ESYT2: variants seen among roughly 807,000 people sequenced by gnomAD.
The protein encoded by ESYT2 is extended synaptotagmin 2, also known as extended synaptotagmin-2.
Under a neutral mutation model 107.2 loss-of-function variants are expected in ESYT2, and 54 were observed. That is an observed-to-expected ratio of 0.50 (90% CI 0.40 to 0.63). The LOEUF is 0.63. Among genes scored for constraint, ESYT2 ranks in the 30% least tolerant of loss-of-function variants. ESYT2 has a pLI of 0.00. For synonymous variants in ESYT2, 491 were observed against 434.1 expected, an observed-to-expected ratio of 1.13 and a Z score of -1.63; for missense variants, 1,020 against 1,094.5, an observed-to-expected ratio of 0.93 and a Z score of 0.96.
intron 1 of ESYT2, among the ~76,000 whole-genome samples, chr7:158,824,964 A>G (rs1477190096): frequency 6.6e-6 from 1 of 152,134 alleles, no homozygotes; most frequent in South Asian, 2.1e-4. Flanking sequence ...CAAGAGTTCA[A>G]GCCTGGGGAA....
intron 1 of ESYT2, among the ~76,000 whole-genome samples, chr7:158,824,696 C>T (rs1037623104): frequency 3.3e-5 from 5 of 152,098 alleles, no homozygotes; most frequent in East Asian, 1.9e-4. Context: ...TAGTATTATC[C>T]GTGACAGTAT....
chr7:158,755,915 T>C (rs546740632), intron 13 of ESYT2, among the ~76,000 whole-genome samples: 2 of 152,072 alleles, frequency 1.3e-5, no homozygotes, highest in Non-Finnish European at 2.9e-5. Flanking sequence ...ACACCTAAGG[T>C]AAATGACGAG....
At chr7:158,789,993 C>T (rs1428669376) in intron 4 of ESYT2, among the ~76,000 whole-genome samples, 1 of 152,110 alleles carries the variant, frequency 6.6e-6, no homozygotes, top group African/African-American at 2.4e-5. Context: ...CACAAGGCTC[C>T]GACCCTCACG....
At chr7:158,820,142 T>C (rs1158745290) in intron 1 of ESYT2, among the ~76,000 whole-genome samples, 1 of 152,260 alleles carries the variant, frequency 6.6e-6, no homozygotes, top group African/African-American at 2.4e-5. Context: ...TTTGGTATTA[T>C]GGATGATCTT....
Position 158,826,042 on chromosome 7 carries a change from A to G in ESYT2, c.330+3047T>C, listed in dbSNP as rs76569822. Among the ~76,000 whole-genome samples, 715 of 151,710 alleles carry G rather than the reference A, an allele frequency of 4.7e-3. 46 individuals are homozygous for G. In the East Asian group the frequency reaches 0.12, roughly 25 times the overall value. On this transcript the variant is annotated intron_variant, in intron 1 of 22. Coordinates refer to ENST00000275418, the MANE Select transcript of ESYT2 (RefSeq NM_001367773.1). The stretch of plus-strand genomic sequence containing the variant: ...TCTAGAAAAAAAAAAAAACAAAAAC[A>G]AACCCAAAGTGCAAGTAATACTGAA...
chr7:158,816,462 G>A (rs998582645), intron 1 of ESYT2, among the ~76,000 whole-genome samples: 1 of 152,180 alleles, frequency 6.6e-6, no homozygotes, highest in Non-Finnish European at 1.5e-5. Context: ...AAGGGAGAAG[G>A]GCCTGCAGCC....
At chr7:158,782,578 CAA>C (rs1432564899) in intron 6 of ESYT2, among the ~76,000 whole-genome samples, 1 of 107,698 alleles carries the variant, frequency 9.3e-6, no homozygotes, top group Non-Finnish European at 2.3e-5. Context: ...AGTGTGAGAA[CAA>C]AGAATGAGTG....
intron 6 of ESYT2, 152 bp from the exon 7 acceptor site, chr7:158,773,548 T>A: frequency 1.5e-6 from 1 of 652,606 alleles, no homozygotes; most frequent in Non-Finnish European, 2.5e-6. Context: ...AGGACATTTT[T>A]CTTTGGTGGT....
chr7:158,788,145 C>T (rs781061201), intron 5 of ESYT2, 52 bp from the exon 6 acceptor site: 18 of 1,475,186 alleles, frequency 1.2e-5, no homozygotes, highest in Non-Finnish European at 1.5e-5. Context: ...TCTGCAGGGC[C>T]GCTTAACGCA....
intron 6 of ESYT2, among the ~76,000 whole-genome samples, chr7:158,776,995 G>C (rs368293277): frequency 9.9e-5 from 15 of 151,990 alleles, no homozygotes; most frequent in African/African-American, 2.2e-4. Flanking sequence ...TGGGACTACA[G>C]GCATACACTA....
intron 1 of ESYT2, among the ~76,000 whole-genome samples, chr7:158,816,941 C>T (rs551505322): frequency 7.1e-4 from 108 of 152,286 alleles, no homozygotes; most frequent in African/African-American, 2.4e-3. Context: ...ATTTTAGGTA[C>T]GCACTTACTA....
intron 1 of ESYT2, among the ~76,000 whole-genome samples, chr7:158,809,526 T>C (rs73167252): frequency 0.011 from 1,606 of 147,902 alleles, 13 homozygotes; most frequent in Non-Finnish European, 0.016. Flanking sequence ...GCAAAAGTAT[T>C]TGTATAAACG....
intron 1 of ESYT2, among the ~76,000 whole-genome samples, chr7:158,818,242 G>C (rs1363819805): frequency 6.6e-6 from 1 of 152,194 alleles, no homozygotes; most frequent in Non-Finnish European, 1.5e-5. Context: ...ACTCCTGGAA[G>C]TGGAGTCAAG....
chr7:158,734,503 G>A (rs747834927), intron 21 of ESYT2, 32 bp from the exon 22 acceptor site: 53 of 1,601,480 alleles, frequency 3.3e-5, no homozygotes, highest in Admixed American at 8.5e-5. Context: ...GTTAAAGTAG[G>A]CTGGGCTGGG....
At chr7:158,755,136 A>AT (rs1433280836) in intron 13 of ESYT2, among the ~76,000 whole-genome samples, 2 of 152,178 alleles carry the variant, frequency 1.3e-5, no homozygotes, top group Admixed American at 1.3e-4. Flanking sequence ...GCAGATGGGG[A>AT]TCGCTGGTGG....
chr7:158,829,030 G>A, intron 1 of ESYT2, 59 bp downstream of exon 1: 2 of 1,550,894 alleles, frequency 1.3e-6, no homozygotes, highest in Admixed American at 1.8e-5. Flanking sequence ...TGCCTGCCTG[G>A]ACGAGGGGAG....
Position 158,763,543 on chromosome 7 carries a change from C to T in ESYT2, c.1102-378G>A, listed in dbSNP as rs563998265. 1.7e-3 allele frequency among the ~76,000 whole-genome samples: 258 copies of T among 152,316 alleles called. 3 individuals are homozygous for T. Among genetic ancestry groups the T allele is most frequent in the African/African-American group, 5.8e-3 (240 of 41,556 alleles). ...CTCCTGACCTTAAATGATCCACCCA[C>T]CTCGGCCTCCCAAAGCGTTGGGATT... On this transcript the variant is annotated intron_variant, in intron 9 of 22. Transcript: ENST00000275418.
Position 158,741,690 on chromosome 7 carries a change from G to T in ESYT2, c.2001C>A (p.Pro667=). 1.9e-6 allele frequency: 3 copies of T among 1,613,582 alleles called. No individual in the cohort carries two copies. Among genetic ancestry groups the T allele is most frequent in the Non-Finnish European group, 2.5e-6 (3 of 1,179,896 alleles). The change falls in exon 18 of 23, where the codon CCC becomes CCA. Residue 667 remains proline (P), a synonymous_variant. Coordinates refer to ENST00000275418, the MANE Select transcript of ESYT2 (RefSeq NM_001367773.1). ...GCAGCCCCTGAGGGCCGGCCTCAGG[G>T]GGCTGGGCCTTTTCTTCCATACCAG... ...DKPGMEEKAQ[P]PEAGPQGLHD...
In ESYT2 at chr7:158,829,110, G is replaced by T; in HGVS notation, c.309C>A (p.Arg103=). The T allele has an allele frequency of 6.3e-7, 1 of 1,581,302 alleles. No homozygotes were observed. The highest frequency in any genetic ancestry group is 1.1e-5 in the South Asian group (1 of 89,178). ...DEERVVRLGV[R]ACDLPAWVHF... is the part of the protein sequence containing the mutation. ...TCACCCAGGCGGGCAGGTCGCAGGC[G>T]CGCACCCCCAGGCGCACGACGCGCT... Residue 103 remains arginine (R), a synonymous_variant, in exon 1 of 23, where the codon CGC becomes CGA. Coordinates refer to ENST00000275418, the MANE Select transcript of ESYT2 (RefSeq NM_001367773.1).
Sources: gnomAD v4.1 joint callset for allele counts (sites outside exome capture counted in the v4.1 genomes callset) on GRCh38, gnomAD v4.1.1 for gene constraint, MANE v1.5 for transcripts, NCBI Gene and HGNC (gene_info 2026-07-23, HGNC 2026-07-21) for gene names.